Variants in PARVA observed in about 807,000 individuals in gnomAD.
PARVA encodes the protein alpha-parvin.
In PARVA, 25 loss-of-function variants were observed where a neutral mutation model predicts 52.6. The observed-to-expected ratio is 0.48, with a 90% CI of 0.35 to 0.66. PARVA has a LOEUF of 0.66. PARVA is among the 30% of genes least tolerant of loss of function. The pLI, the probability that PARVA is intolerant of heterozygous loss-of-function variation, is 0.01. For missense variants in PARVA, 373 were observed against 450.9 expected (o/e 0.83, Z 1.56); for synonymous variants, 185 against 179.1 (o/e 1.03, Z -0.26).
chr11:12,529,480 C>G lies in PARVA; in HGVS notation c.*1555C>G, dbSNP rs980730269. On this transcript the variant is annotated 3_prime_UTR_variant, in exon 13 of 13. Transcript: ENST00000334956. ...TAAATAATCAATTGTGCTGATATTA[C>G]ATCTCGTTATGGAATGTTCCTAAAT... 6.6e-6 allele frequency: 1 copy of G among 152,214 alleles called. No individual in the cohort carries two copies. The highest frequency in any genetic ancestry group is 1.5e-5 in the Non-Finnish European group (1 of 68,044). The allele number at this position is 152,214 out of a possible 1,614,324, so 9.4% of individuals were successfully genotyped here.
intron 1 of PARVA, chr11:12,452,952 A>AG (rs1410720736): frequency 2.2e-6 from 1 of 454,558 alleles, no homozygotes; most frequent in East Asian, 7.0e-5. Flanking sequence ...AACCACAGGG[A>AG]GGGGGTCAGC....
intron 10 of PARVA, among the ~76,000 whole-genome samples, chr11:12,515,114 G>A (rs954845082): frequency 1.3e-5 from 2 of 152,222 alleles, no homozygotes; most frequent in Non-Finnish European, 2.9e-5. Context: ...CACTGCTAGT[G>A]ATAACTTGGA....
intron 1 of PARVA, among the ~76,000 whole-genome samples, chr11:12,437,437 G>C (rs1043532100): frequency 2.6e-5 from 4 of 152,192 alleles, no homozygotes; most frequent in African/African-American, 7.2e-5. Flanking sequence ...TGCCCTGGAC[G>C]TATTTCTATT....
chr11:12,491,888 A>C (rs1941238597), intron 4 of PARVA, among the ~76,000 whole-genome samples: 1 of 152,172 alleles, frequency 6.6e-6, no homozygotes, highest in African/African-American at 2.4e-5. Flanking sequence ...TATTCTTTTC[A>C]ACTGCTCATG....
chr11:12,441,652 G>A (rs1275711608), intron 1 of PARVA, among the ~76,000 whole-genome samples: 1 of 152,080 alleles, frequency 6.6e-6, no homozygotes, highest in African/African-American at 2.4e-5. Context: ...TAAAACGCAA[G>A]ACATAAACTC....
At chr11:12,436,845 G>A (rs1940394127) in intron 1 of PARVA, among the ~76,000 whole-genome samples, 1 of 152,178 alleles carries the variant, frequency 6.6e-6, no homozygotes, top group African/African-American at 2.4e-5. Flanking sequence ...GATAAATTTG[G>A]TATTGGAGAT....
At chr11:12,418,447 G>GTC (rs1940101641) in intron 1 of PARVA, among the ~76,000 whole-genome samples, 1 of 152,172 alleles carries the variant, frequency 6.6e-6, no homozygotes, top group African/African-American at 2.4e-5. Context: ...GATCCAGCTG[G>GTC]TCTCATCCCT....
intron 5 of PARVA, among the ~76,000 whole-genome samples, chr11:12,500,295 G>A (rs551502610): frequency 6.6e-6 from 1 of 152,198 alleles, no homozygotes; most frequent in South Asian, 2.1e-4. Flanking sequence ...GTGAGGCCTG[G>A]GCGCTTACTC....
At chr11:12,432,833 A>C (rs1052253905) in intron 1 of PARVA, among the ~76,000 whole-genome samples, 1 of 152,192 alleles carries the variant, frequency 6.6e-6, no homozygotes, top group Non-Finnish European at 1.5e-5. Context: ...CCTGTTTTCT[A>C]TCATGACCTC....
intron 1 of PARVA, 21 bp downstream of exon 1, chr11:12,377,804 C>A (rs1565320808): frequency 4.8e-6 from 7 of 1,471,776 alleles, no homozygotes; most frequent in Non-Finnish European, 6.3e-6. Flanking sequence ...CCAGGCCGGC[C>A]GGGCGGGCGG....
chr11:12,413,843 A>G (rs993585474), intron 1 of PARVA, among the ~76,000 whole-genome samples: 1 of 152,236 alleles, frequency 6.6e-6, no homozygotes, highest in Non-Finnish European at 1.5e-5. Flanking sequence ...TTAATCACCC[A>G]TGGACAGGTT....
intron 4 of PARVA, among the ~76,000 whole-genome samples, chr11:12,481,222 G>C (rs1159046818): frequency 2.6e-5 from 4 of 152,100 alleles, no homozygotes; most frequent in Non-Finnish European, 5.9e-5. Context: ...TCTCTTCTCT[G>C]TATTCCTTCT....
In PARVA at chr11:12,504,305, T is replaced by C. The variant is rs199921153; in HGVS notation, c.542-9T>C. 63 of 1,545,510 alleles carry C rather than the reference T, an allele frequency of 4.1e-5. No homozygotes were observed. Among genetic ancestry groups the C allele is most frequent in the Non-Finnish European group, 1.2e-5 (13 of 1,118,632 alleles). The stretch of plus-strand genomic sequence containing the variant: ...GATGCTGTAATTTTTCAATCTTCTT[T>C]CATTTCAGCTGTTCATGCCAAGAGC... On this transcript the variant is annotated splice_polypyrimidine_tract_variant and intron_variant, in intron 5 of 12. Transcript: ENST00000334956.
intron 1 of PARVA, among the ~76,000 whole-genome samples, chr11:12,420,733 C>A (rs1940136859): frequency 6.6e-6 from 1 of 152,188 alleles, no homozygotes; most frequent in Non-Finnish European, 1.5e-5. Flanking sequence ...GGTCTTAAAT[C>A]ACTTAATCTT....
At chr11:12,410,708 T>C (rs996646409) in intron 1 of PARVA, among the ~76,000 whole-genome samples, 5 of 152,006 alleles carry the variant, frequency 3.3e-5, no homozygotes, top group Non-Finnish European at 7.3e-5. Flanking sequence ...CTGACCTAGT[T>C]CCTCCTCCAG....
chr11:12,429,734 T>C (rs532037655), intron 1 of PARVA, among the ~76,000 whole-genome samples: 4 of 152,326 alleles, frequency 2.6e-5, no homozygotes, highest in South Asian at 4.2e-4. Context: ...ATGCCGGTGG[T>C]TGCAAATTTT....
chr11:12,486,123 T>C (rs187531748), intron 4 of PARVA, among the ~76,000 whole-genome samples: 9 of 152,308 alleles, frequency 5.9e-5, no homozygotes, highest in South Asian at 2.1e-4. Context: ...ATATGTACGA[T>C]AGTAATGTGA....
intron 12 of PARVA, among the ~76,000 whole-genome samples, chr11:12,523,363 C>G (rs1054822233): frequency 1.3e-5 from 2 of 152,158 alleles, no homozygotes; most frequent in Admixed American, 1.3e-4. Flanking sequence ...AGCCCTGAGC[C>G]AGCAGGGGCC....
At chr11:12,446,542 G>T (rs1940550739) in intron 1 of PARVA, among the ~76,000 whole-genome samples, 1 of 152,106 alleles carries the variant, frequency 6.6e-6, no homozygotes, top group African/African-American at 2.4e-5. Context: ...GTTTTACCTA[G>T]ACTGCAACAA....
Sources: allele counts gnomAD v4.1 joint callset (sites outside exome capture counted in the v4.1 genomes callset), GRCh38; gene constraint gnomAD v4.1.1; transcripts MANE v1.5; gene names NCBI Gene and HGNC (gene_info 2026-07-23, HGNC 2026-07-21).